Variants in DNM3 observed in about 807,000 individuals in gnomAD.
DNM3 encodes the protein dynamin 3.
In DNM3, 47 loss-of-function variants were observed where a neutral mutation model predicts 101.6. The ratio of observed to expected loss-of-function variants is 0.46; its 90% CI spans 0.37 to 0.59. The LOEUF (loss-of-function observed/expected upper bound fraction) is 0.59, where lower values mean the gene tolerates loss of function less well. Ranked by LOEUF, DNM3 falls within the 20% of genes least tolerant of loss-of-function variation. The probability of loss-of-function intolerance (pLI) is 0.00; values close to 1 mark genes in which losing one functional copy is unlikely to be tolerated. For synonymous variants in DNM3, 385 were observed against 387.9 expected (o/e 0.99, Z 0.09); for missense variants, 849 against 1,085.7 (o/e 0.78, Z 3.06).
intron 15 of DNM3, among the ~76,000 whole-genome samples, chr1:172,283,416 GCCATTT>G (rs201563896): frequency 0.044 from 6,764 of 152,098 alleles, 196 homozygotes; most frequent in Middle Eastern, 0.099. Context: ...TTTCTCCATT[GCCATTT>G]CCTGAAGCCT....
chr1:172,203,414 G>A (rs750111245), intron 14 of DNM3, among the ~76,000 whole-genome samples: 4 of 152,152 alleles, frequency 2.6e-5, no homozygotes, highest in African/African-American at 9.6e-5. Context: ...GTTTTTGGTC[G>A]CTGAACTGCC....
At chr1:172,233,842 C>G (rs12073395) in intron 14 of DNM3, among the ~76,000 whole-genome samples, 25,232 of 151,966 alleles carry the variant, frequency 0.17, 2,435 homozygotes, top group East Asian at 0.28. Context: ...ATTCAACAGC[C>G]CTTCACGCTA....
At chr1:172,027,839 A>G (rs1165503378) in intron 4 of DNM3, among the ~76,000 whole-genome samples, 1 of 152,204 alleles carries the variant, frequency 6.6e-6, no homozygotes. Flanking sequence ...GCATTACATA[A>G]TGGTAAAGGG....
At chr1:172,114,438 C>T (rs556862552) in intron 13 of DNM3, among the ~76,000 whole-genome samples, 34 of 152,264 alleles carry the variant, frequency 2.2e-4, no homozygotes, top group African/African-American at 2.4e-4. Flanking sequence ...CTACCTGTTT[C>T]GTACTCTTCA....
At chr1:172,169,546 G>A (rs1241003048) in intron 14 of DNM3, among the ~76,000 whole-genome samples, 1 of 151,898 alleles carries the variant, frequency 6.6e-6, no homozygotes, top group Non-Finnish European at 1.5e-5. Flanking sequence ...ATGCCACTGA[G>A]CCTTGATCAA....
At chr1:172,029,015 T>C (rs1399040951) in intron 4 of DNM3, among the ~76,000 whole-genome samples, 2 of 152,162 alleles carry the variant, frequency 1.3e-5, no homozygotes, top group Admixed American at 6.5e-5. Flanking sequence ...TCTGAAACTA[T>C]TCCAATCAAT....
chr1:172,157,324 A>T (rs937268517), intron 14 of DNM3, among the ~76,000 whole-genome samples: 1 of 152,074 alleles, frequency 6.6e-6, no homozygotes, highest in Non-Finnish European at 1.5e-5. Flanking sequence ...GGCAGAGCTC[A>T]GGTGGTAATT....
chr1:172,092,809 C>G lies in DNM3; in HGVS notation c.1494-15C>G. On this transcript the variant is annotated splice_polypyrimidine_tract_variant and intron_variant, in intron 12 of 20. Coordinates refer to ENST00000627582, the MANE Select transcript of DNM3 (RefSeq NM_015569.5). ...TATGTGTCTCTTCAGTGCTGCTTTC[C>G]TTTGCTTTTCTCAGTGCTCAGCAGA... 1 of 1,550,984 alleles carries G rather than the reference C, an allele frequency of 6.4e-7. No individual in the cohort carries two copies. Among genetic ancestry groups the G allele is most frequent in the Non-Finnish European group, 8.7e-7 (1 of 1,147,310 alleles).
intron 2 of DNM3, among the ~76,000 whole-genome samples, chr1:171,970,915 A>C (rs1004469645): frequency 6.6e-6 from 1 of 152,110 alleles, no homozygotes; most frequent in Admixed American, 6.5e-5. Context: ...GGTTATAACA[A>C]TCCAGTGGTG....
chr1:171,891,181 G>A (rs913224188), intron 1 of DNM3, among the ~76,000 whole-genome samples: 2 of 152,162 alleles, frequency 1.3e-5, no homozygotes, highest in Non-Finnish European at 2.9e-5. Context: ...GAAGGTGAAG[G>A]AGGCAGGTGA....
At chr1:172,085,854 T>C (rs995536468) in intron 12 of DNM3, among the ~76,000 whole-genome samples, 1 of 152,212 alleles carries the variant, frequency 6.6e-6, no homozygotes, top group Admixed American at 6.5e-5. Flanking sequence ...TATTCTATTG[T>C]AATAATGTTT....
At chr1:172,118,743 G>A (rs1267690047) in intron 13 of DNM3, among the ~76,000 whole-genome samples, 1 of 152,028 alleles carries the variant, frequency 6.6e-6, no homozygotes, top group Non-Finnish European at 1.5e-5. Flanking sequence ...CCAGCCAGCA[G>A]GCATCAGGAG....
At chr1:172,099,261 C>A (rs1558567002) in intron 13 of DNM3, among the ~76,000 whole-genome samples, 2 of 152,142 alleles carry the variant, frequency 1.3e-5, no homozygotes, top group African/African-American at 4.8e-5. Flanking sequence ...TTAATTCACC[C>A]TCCTATAATA....
chr1:172,148,508 A>G (rs1378245060), intron 14 of DNM3, among the ~76,000 whole-genome samples: 1 of 152,102 alleles, frequency 6.6e-6, no homozygotes, highest in Non-Finnish European at 1.5e-5. Flanking sequence ...ACCAGATTGA[A>G]CTATTCTTTT....
chr1:172,320,464 G>C (rs1244858311), intron 16 of DNM3, among the ~76,000 whole-genome samples: 1 of 151,790 alleles, frequency 6.6e-6, no homozygotes, highest in Non-Finnish European at 1.5e-5. Flanking sequence ...AAAAGGATGA[G>C]TTCATGTCGT....
At chr1:172,275,345 A>G (rs2063241788) in intron 15 of DNM3, among the ~76,000 whole-genome samples, 1 of 152,080 alleles carries the variant, frequency 6.6e-6, no homozygotes, top group Admixed American at 6.6e-5. Flanking sequence ...ATTTGTCACT[A>G]AAGTTATTTT....
At chr1:172,044,674 GCCTGT>G (rs2049634999) in intron 9 of DNM3, among the ~76,000 whole-genome samples, 9 of 152,216 alleles carry the variant, frequency 5.9e-5, no homozygotes, top group African/African-American at 2.2e-4. Flanking sequence ...TGCATTTCCA[GCCTGT>G]ACTCTGCACA....
rs1034642446 is a variant in DNM3, at chr1:172,118,301, T to C, written c.1546-12874T>C. On this transcript the variant is annotated intron_variant, in intron 13 of 20. Transcript: ENST00000627582. ...AGCATCTCCTTAGTAATACTATTGG[T>C]ACTCTTTTTCAGAGGTATGATAGGG... Among the ~76,000 whole-genome samples the C allele has an allele frequency of 8.5e-5, 13 of 152,316 alleles. No homozygotes were observed. The South Asian group carries it at 2.7e-3, about 32-fold the overall frequency.
At chr1:172,305,303 G>A (rs1019525579) in intron 15 of DNM3, among the ~76,000 whole-genome samples, 20 of 152,028 alleles carry the variant, frequency 1.3e-4, no homozygotes, top group Non-Finnish European at 2.4e-4. Flanking sequence ...TAAATTCCTG[G>A]ACACATACAC....
Sources: allele counts gnomAD v4.1 joint callset (sites outside exome capture counted in the v4.1 genomes callset), GRCh38; gene constraint gnomAD v4.1.1; transcripts MANE v1.5; gene names NCBI Gene and HGNC (gene_info 2026-07-23, HGNC 2026-07-21).